PITPNC1: variants seen among roughly 807,000 people sequenced by gnomAD.
The protein encoded by PITPNC1 is cytoplasmic phosphatidylinositol transfer protein 1.
In PITPNC1, 18 loss-of-function variants were observed where a neutral mutation model predicts 44.7. That is an observed-to-expected ratio of 0.40 (90% confidence interval 0.28 to 0.60). PITPNC1 has a LOEUF of 0.60. PITPNC1 is among the 20% of genes least tolerant of loss of function. The pLI, the probability that PITPNC1 is intolerant of heterozygous loss-of-function variation, is 0.39. For missense variants in PITPNC1, 290 were observed against 418.4 expected (o/e 0.69, Z 2.68); for synonymous variants, 141 against 149.6 (o/e 0.94, Z 0.42).
At chr17:67,387,111 C>G (rs759967909) in intron 1 of PITPNC1, among the ~76,000 whole-genome samples, 43 of 152,192 alleles carry the variant, frequency 2.8e-4, no homozygotes, top group Admixed American at 6.5e-5. Flanking sequence ...CAAATAACAT[C>G]CAAATCATTC....
intron 5 of PITPNC1, among the ~76,000 whole-genome samples, chr17:67,623,559 AT>A (rs1466652360): frequency 6.6e-6 from 1 of 151,944 alleles, no homozygotes; most frequent in African/African-American, 2.4e-5. Flanking sequence ...TAATTTCTGT[AT>A]TTTTGTAGAG....
intron 6 of PITPNC1, among the ~76,000 whole-genome samples, chr17:67,647,485 T>TGTTTTTTG (rs2042165262): frequency 7.9e-6 from 1 of 126,236 alleles, no homozygotes; most frequent in African/African-American, 3.6e-5. Flanking sequence ...TTTTTTTTTT[T>TGTTTTTTG]TTTTTTTTGT....
intron 1 of PITPNC1, among the ~76,000 whole-genome samples, chr17:67,532,359 AAT>A (rs1178798954): frequency 6.6e-6 from 1 of 152,196 alleles, no homozygotes; most frequent in African/African-American, 2.4e-5. Context: ...GGATAGAAGA[AAT>A]AGATGATATC....
At chr17:67,395,799 C>A (rs28504571) in intron 1 of PITPNC1, among the ~76,000 whole-genome samples, 2 of 152,128 alleles carry the variant, frequency 1.3e-5, no homozygotes, top group Non-Finnish European at 2.9e-5. Context: ...CCTGCCCCCC[C>A]ACCCAAGTGC....
Position 67,552,360 on chromosome 17 carries a change from C to T in PITPNC1, c.286+15C>T, listed in dbSNP as rs766277799. The T allele has an allele frequency of 8.2e-7, 1 of 1,226,372 alleles. No homozygotes were observed. The highest frequency in any genetic ancestry group is 1.2e-5 in the South Asian group (1 of 83,422). The allele number at this position is 1,226,372 out of a possible 1,614,324, so 76.0% of individuals were successfully genotyped here. On this transcript the variant is annotated intron_variant, in intron 3 of 8. Transcript: ENST00000581322. ...CACAATTACAGGTAAGTCCTTAGTA[C>T]AACCATATGGCACATGTAGTGAGTG...
At chr17:67,524,716 C>T (rs149191863) in intron 1 of PITPNC1, 3 of 151,666 alleles carry the variant, frequency 2.0e-5, no homozygotes, top group African/African-American at 7.3e-5. Context: ...GATTCACATA[C>T]CCAAAGTGTT....
At chr17:67,617,406 G>A (rs2041773629) in intron 5 of PITPNC1, among the ~76,000 whole-genome samples, 1 of 152,232 alleles carries the variant, frequency 6.6e-6, no homozygotes, top group Non-Finnish European at 1.5e-5. Flanking sequence ...TTGGGAGGCT[G>A]AGGCAGGAGA....
intron 5 of PITPNC1, among the ~76,000 whole-genome samples, chr17:67,627,440 G>A (rs2041909689): frequency 6.6e-6 from 1 of 152,226 alleles, no homozygotes; most frequent in Non-Finnish European, 1.5e-5. Context: ...TAGGCACGCT[G>A]TTAATGAAGG....
chr17:67,681,730 G>T (rs572632281), intron 8 of PITPNC1, among the ~76,000 whole-genome samples: 1 of 151,400 alleles, frequency 6.6e-6, no homozygotes, highest in Non-Finnish European at 1.5e-5. Context: ...CACAAGAACC[G>T]TAATGAGAAA....
chr17:67,390,560 C>G (rs941473121), intron 1 of PITPNC1, among the ~76,000 whole-genome samples: 3 of 152,194 alleles, frequency 2.0e-5, no homozygotes, highest in African/African-American at 7.2e-5. Flanking sequence ...GCACGTAAGT[C>G]CTTTGCCTTA....
chr17:67,598,718 C>T lies in PITPNC1; in HGVS notation c.366+20461C>T, dbSNP rs551307198. 1.1e-4 allele frequency among the ~76,000 whole-genome samples: 17 copies of T among 151,824 alleles called. No homozygotes were observed. The South Asian group carries it at 2.3e-3, about 20-fold the overall frequency. ...CAGCCTGGCCAACATGGTGAAACCC[C>T]GTCTCTACAAAAAAATACAAAAAAA... On this transcript the variant is annotated intron_variant, in intron 5 of 8. Transcript: ENST00000581322.
chr17:67,488,059 T>C (rs2039807687), intron 1 of PITPNC1, among the ~76,000 whole-genome samples: 1 of 152,232 alleles, frequency 6.6e-6, no homozygotes, highest in African/African-American at 2.4e-5. Flanking sequence ...TGGCGGGATT[T>C]TCTCCTTGCT....
intron 1 of PITPNC1, among the ~76,000 whole-genome samples, chr17:67,400,719 T>C (rs546366682): frequency 7.9e-5 from 12 of 151,856 alleles, no homozygotes; most frequent in Middle Eastern, 3.5e-3. Flanking sequence ...TTCTTATAGC[T>C]GATGTACTCT....
intron 1 of PITPNC1, among the ~76,000 whole-genome samples, chr17:67,507,068 G>A (rs1360505621): frequency 6.6e-6 from 1 of 152,174 alleles, no homozygotes; most frequent in Non-Finnish European, 1.5e-5. Context: ...GGATTGCCAG[G>A]AATGGACACA....
chr17:67,655,933 A>G (rs1366993460), intron 6 of PITPNC1, among the ~76,000 whole-genome samples: 1 of 152,216 alleles, frequency 6.6e-6, no homozygotes, highest in Non-Finnish European at 1.5e-5. Context: ...CCTGTTGCAA[A>G]AAAACCCAAA....
At chr17:67,642,852 T>A (rs920896493) in intron 6 of PITPNC1, among the ~76,000 whole-genome samples, 25 of 152,122 alleles carry the variant, frequency 1.6e-4, no homozygotes, top group African/African-American at 5.6e-4. Context: ...TTTTTTTTTT[T>A]AATTTTTCAA....
chr17:67,594,785 C>T (rs1414505016), intron 5 of PITPNC1, among the ~76,000 whole-genome samples: 1 of 152,202 alleles, frequency 6.6e-6, no homozygotes, highest in Non-Finnish European at 1.5e-5. Context: ...AAGTCAACTC[C>T]TTAGCAGCTA....
chr17:67,414,925 C>A (rs1197412216), intron 1 of PITPNC1, among the ~76,000 whole-genome samples: 1 of 151,992 alleles, frequency 6.6e-6, no homozygotes, highest in Non-Finnish European at 1.5e-5. Context: ...GTCACCCAGG[C>A]TATATAGTGC....
chr17:67,553,891 T>C (rs934549716), intron 4 of PITPNC1, among the ~76,000 whole-genome samples: 1 of 152,226 alleles, frequency 6.6e-6, no homozygotes, highest in African/African-American at 2.4e-5. Context: ...CTTGACTGCT[T>C]TGTTGGTGAT....
Sources: allele counts gnomAD v4.1 joint callset (sites outside exome capture counted in the v4.1 genomes callset), GRCh38; gene constraint gnomAD v4.1.1; transcripts MANE v1.5; gene names NCBI Gene and HGNC (gene_info 2026-07-23, HGNC 2026-07-21).